PHF14: variants seen among roughly 807,000 people sequenced by gnomAD.
PHF14 encodes PHD finger protein 14.
In PHF14, 55 loss-of-function variants were observed where a neutral mutation model predicts 117.9. That is an observed-to-expected ratio of 0.47 (90% CI 0.38 to 0.58). The LOEUF (loss-of-function observed/expected upper bound fraction) is 0.58. Ranked by LOEUF, PHF14 falls within the 20% of genes least tolerant of loss-of-function variation. The pLI is 0.00. For missense variants in PHF14, 978 were observed against 1,122.2 expected, an observed-to-expected ratio of 0.87 and a Z score of 1.84; for synonymous variants, 409 against 368.6, an observed-to-expected ratio of 1.11 and a Z score of -1.26.
At chr7:11,063,292 A>G in intron 16 of PHF14, 1 of 984,294 alleles carries the variant, frequency 1.0e-6, no homozygotes, top group Non-Finnish European at 1.2e-6. Context: ...AGGGTAAAGT[A>G]GTAAGTAGTT....
intron 17 of PHF14, among the ~76,000 whole-genome samples, chr7:11,149,620 C>T (rs1788649764): frequency 6.6e-6 from 1 of 152,142 alleles, no homozygotes; most frequent in South Asian, 2.1e-4. Flanking sequence ...CCTAGAACTA[C>T]ACTTGGTGGG....
intron 2 of PHF14, among the ~76,000 whole-genome samples, chr7:10,976,337 A>G (rs1781864483): frequency 6.6e-6 from 1 of 152,166 alleles, no homozygotes; most frequent in Non-Finnish European, 1.5e-5. Flanking sequence ...AGGGGAAGGG[A>G]AAGGAGGTAA....
chr7:10,999,000 TA>T (rs1185877806), intron 4 of PHF14, among the ~76,000 whole-genome samples: 1 of 152,178 alleles, frequency 6.6e-6, no homozygotes, highest in Non-Finnish European at 1.5e-5. Flanking sequence ...CGTACACATT[TA>T]GGATTTCAAG....
Position 11,061,773 on chromosome 7 carries a change from T to G in PHF14, c.2482-18T>G, listed in dbSNP as rs1056972176. 1.2e-5 allele frequency: 18 copies of G among 1,493,846 alleles called. No individual in the cohort carries two copies. In the African/African-American group the frequency reaches 1.6e-4, roughly 13 times the overall value. 92.5% of individuals were successfully genotyped at this position (1,493,846 alleles called of 1,614,324 possible). On this transcript the variant is annotated intron_variant, in intron 14 of 17. Coordinates refer to ENST00000634607, the MANE Select transcript of PHF14 (RefSeq NM_001007157.2). ...CTGTGGATTTTTGTTTTTTGTTTTT[T>G]TTTTTGTTTTTTTCCAGAGAACCAG...
intron 17 of PHF14, among the ~76,000 whole-genome samples, chr7:11,128,974 T>C (rs1397739428): frequency 1.3e-5 from 2 of 152,082 alleles, no homozygotes; most frequent in African/African-American, 2.4e-5. Context: ...TGTCATGCTA[T>C]TGATCTTTTT....
chr7:11,049,167 C>T (rs1482450579), intron 13 of PHF14, among the ~76,000 whole-genome samples: 1 of 152,060 alleles, frequency 6.6e-6, no homozygotes, highest in East Asian at 1.9e-4. Context: ...AGTAGACAAA[C>T]AACATATTTT....
chr7:10,977,316 G>A (rs1583320723), intron 2 of PHF14, among the ~76,000 whole-genome samples: 2 of 151,992 alleles, frequency 1.3e-5, no homozygotes, highest in Admixed American at 6.6e-5. Flanking sequence ...AATGAACTAC[G>A]GACTTCCTTA....
At chr7:11,043,287 T>G (rs1784557018) in intron 13 of PHF14, among the ~76,000 whole-genome samples, 1 of 137,994 alleles carries the variant, frequency 7.2e-6, no homozygotes, top group South Asian at 2.1e-4. Context: ...CATTTCTGAT[T>G]TTTTTTTTTA....
chr7:11,050,018 T>G (rs1178227044), intron 13 of PHF14, among the ~76,000 whole-genome samples: 1 of 152,232 alleles, frequency 6.6e-6, no homozygotes, highest in Non-Finnish European at 1.5e-5. Context: ...TATTCTTAAA[T>G]AATTGGAAAT....
intron 16 of PHF14, among the ~76,000 whole-genome samples, chr7:11,072,975 G>T (rs892136305): frequency 2.0e-5 from 3 of 152,096 alleles, no homozygotes; most frequent in African/African-American, 7.2e-5. Context: ...ATTCATGAGG[G>T]ATCTGCCCCT....
At chr7:11,106,095 C>T in intron 16 of PHF14, 6 of 983,986 alleles carry the variant, frequency 6.1e-6, no homozygotes, top group Non-Finnish European at 6.0e-6. Flanking sequence ...GTTGCTTGAC[C>T]TTATTGTGTA....
At position 11,005,787 on chromosome 7, in the gene PHF14, C is replaced by CTTTT. The variant is rs951270672; in HGVS notation, c.1046-7939_1046-7936dup. Among the ~76,000 whole-genome samples the CTTTT allele has an allele frequency of 3.7e-3, 314 of 84,452 alleles. 1 individual carries two copies. The highest frequency in any genetic ancestry group is 7.4e-3 in the African/African-American group (157 of 21,084). The allele number at this position is 84,452 out of a possible 152,430, so 55.4% of individuals were successfully genotyped here. On this transcript the variant is annotated intron_variant, in intron 4 of 17. Transcript: ENST00000634607. ...GGATAGATACCTAGAAGTAAAAATTCTTTTTTTTTTTTTTTTTTTTTTTTG... is the reference window on the plus strand; with the variant it reads ...GGATAGATACCTAGAAGTAAAAATTCTTTTTTTTTTTTTTTTTTTTTTTTTTTTG...
chr7:10,992,298 C>T (rs1406836846), intron 4 of PHF14, among the ~76,000 whole-genome samples: 1 of 151,112 alleles, frequency 6.6e-6, no homozygotes, highest in African/African-American at 2.4e-5. Context: ...AAGTGATCCA[C>T]CCGACTCAGC....
In PHF14 at chr7:11,061,815, T is replaced by A. The variant is rs376262553; in HGVS notation, c.2506T>A (p.Phe836Ile). The A allele has an allele frequency of 1.3e-6, 2 of 1,525,468 alleles. No individual in the cohort carries two copies. Among genetic ancestry groups the A allele is most frequent in the Non-Finnish European group, 1.8e-6 (2 of 1,136,978 alleles). 94.5% of individuals were successfully genotyped at this position (1,525,468 alleles called of 1,614,324 possible). ...GAGAACCAGAGGACGAAAACGAAGC[T>A]TCGTTCCTGAGGAAGAAAAACATGA... The part of the protein sequence containing the change: ...NTRTRGRKRS[F>I]VPEEEKHEER... The change falls in exon 15 of 18, where the codon TTC becomes ATC. Residue 836 changes from phenylalanine (F) to isoleucine (I), a missense_variant. Transcript: ENST00000634607.
chr7:11,047,440 G>C (rs1784706555), intron 13 of PHF14, among the ~76,000 whole-genome samples: 1 of 151,826 alleles, frequency 6.6e-6, no homozygotes, highest in African/African-American at 2.4e-5. Context: ...AAATTCCATT[G>C]GGTCATCATT....
chr7:11,088,843 T>TATAGATTA (rs1481892483), intron 16 of PHF14, among the ~76,000 whole-genome samples: 1 of 152,150 alleles, frequency 6.6e-6, no homozygotes, highest in Non-Finnish European at 1.5e-5. Context: ...CCTATAGATT[T>TATAGATTA]ATAGATTATA....
At chr7:11,153,285 G>A (rs752824284) in intron 17 of PHF14, among the ~76,000 whole-genome samples, 2 of 152,138 alleles carry the variant, frequency 1.3e-5, no homozygotes, top group Non-Finnish European at 2.9e-5. Flanking sequence ...AAGATAACAG[G>A]AGTTGGCTAT....
chr7:10,995,176 GGT>G (rs2128311485), intron 4 of PHF14, among the ~76,000 whole-genome samples: 1 of 152,276 alleles, frequency 6.6e-6, no homozygotes, highest in Admixed American at 6.5e-5. Context: ...AGTGCTGATT[GGT>G]GTATTTACAA....
At chr7:11,016,227 G>C (rs1450544009) in intron 5 of PHF14, among the ~76,000 whole-genome samples, 2 of 152,084 alleles carry the variant, frequency 1.3e-5, no homozygotes, top group Non-Finnish European at 2.9e-5. Flanking sequence ...GGCTGTACTG[G>C]AAATTATAGG....
Sources: gnomAD v4.1 joint callset for allele counts (sites outside exome capture counted in the v4.1 genomes callset) on GRCh38, gnomAD v4.1.1 for gene constraint, MANE v1.5 for transcripts, NCBI Gene and HGNC (gene_info 2026-07-23, HGNC 2026-07-21) for gene names.